The following RASGRF2 variants were observed in gnomAD, a reference collection of about 807,000 sequenced individuals.
RASGRF2 encodes the protein Ras protein specific guanine nucleotide releasing factor 2.
Under a neutral mutation model 151.0 loss-of-function variants are expected in RASGRF2, and 76 were observed. The ratio of observed to expected loss-of-function variants is 0.50; its 90% confidence interval spans 0.42 to 0.61. The LOEUF (loss-of-function observed/expected upper bound fraction) is 0.61, where lower values mean the gene tolerates loss of function less well. Ranked by LOEUF, RASGRF2 falls within the 20% of genes least tolerant of loss-of-function variation. The pLI, the probability that RASGRF2 is intolerant of heterozygous loss-of-function variation, is 0.00. For synonymous variants in RASGRF2, 504 were observed against 566.5 expected (o/e 0.89, Z 1.57); for missense variants, 1,148 against 1,564.6 (o/e 0.73, Z 4.49).
intron 15 of RASGRF2, among the ~76,000 whole-genome samples, chr5:81,120,450 G>T (rs1753275275): frequency 1.3e-5 from 2 of 152,128 alleles, no homozygotes; most frequent in African/African-American, 4.8e-5. Flanking sequence ...AGATGTGGCT[G>T]TGTGCACCTG....
At chr5:81,019,922 T>A in intron 1 of RASGRF2, among the ~76,000 whole-genome samples, 1 of 152,224 alleles carries the variant, frequency 6.6e-6, no homozygotes, top group Non-Finnish European at 1.5e-5. Flanking sequence ...CTCTGGAAAT[T>A]GCCACTGTTA....
intron 2 of RASGRF2, among the ~76,000 whole-genome samples, chr5:81,055,746 A>C (rs1439485713): frequency 2.0e-5 from 3 of 152,142 alleles, no homozygotes; most frequent in Non-Finnish European, 4.4e-5. Flanking sequence ...TTCGGCTGTG[A>C]ATCTGTCTGG....
At chr5:81,108,834 C>CTG (rs10606038) in intron 12 of RASGRF2, among the ~76,000 whole-genome samples, 162 bp from the exon 13 acceptor site, 4,454 of 139,802 alleles carry the variant, frequency 0.032, 114 homozygotes, top group African/African-American at 0.071. Flanking sequence ...TTTACCTACT[C>CTG]TGTGTGTGTG....
At chr5:81,094,075 C>T (rs1429898144) in intron 10 of RASGRF2, among the ~76,000 whole-genome samples, 1 of 152,136 alleles carries the variant, frequency 6.6e-6, no homozygotes, top group Non-Finnish European at 1.5e-5. Flanking sequence ...TTATAAACAA[C>T]TGAGTGAGAG....
chr5:81,222,227 G>A (rs1026541477), intron 26 of RASGRF2, among the ~76,000 whole-genome samples: 2 of 152,092 alleles, frequency 1.3e-5, no homozygotes, highest in African/African-American at 2.4e-5. Flanking sequence ...GTAACCATCA[G>A]TATTTGTATT....
At chr5:81,125,481 A>G (rs1753427907) in intron 16 of RASGRF2, among the ~76,000 whole-genome samples, 1 of 152,176 alleles carries the variant, frequency 6.6e-6, no homozygotes, top group African/African-American at 2.4e-5. Context: ...GGCTTGTCAT[A>G]GTACTACTAT....
chr5:81,199,874 G>C (rs544347912), intron 18 of RASGRF2, among the ~76,000 whole-genome samples: 39 of 143,052 alleles, frequency 2.7e-4, no homozygotes, highest in Middle Eastern at 4.5e-3. Context: ...CTCCAGCCCG[G>C]GTGACAGAGT....
At chr5:81,116,427 A>C (rs1753159306) in intron 15 of RASGRF2, among the ~76,000 whole-genome samples, 1 of 152,134 alleles carries the variant, frequency 6.6e-6, no homozygotes. Flanking sequence ...ACTGCTTCTG[A>C]AAGGACAGGC....
chr5:81,102,313 C>A (rs900468506), intron 12 of RASGRF2, among the ~76,000 whole-genome samples: 2 of 152,072 alleles, frequency 1.3e-5, no homozygotes, highest in African/African-American at 4.8e-5. Context: ...GAAAAAAGAA[C>A]CTAAAAAACT....
rs776297247 is a variant in RASGRF2 at position 81,113,804 on chromosome 5, C to T, written c.2354C>T (p.Pro785Leu). 2.4e-5 allele frequency: 39 copies of T among 1,614,034 alleles called. No homozygotes were observed. The highest frequency in any genetic ancestry group is 2.3e-5 in the Non-Finnish European group (27 of 1,180,036). Residue 785 changes from proline (P) to leucine (L), a missense_variant, in exon 15 of 27, where the codon CCA becomes CTA. Physicochemically the swap from Pro to Leu is moderately conservative, Grantham distance 98. This residue lies in a region of RASGRF2 where 646 missense variants were observed against 807.4 expected (regional missense o/e 0.80). Coordinates refer to ENST00000265080, the MANE Select transcript of RASGRF2 (RefSeq NM_006909.3). ...CCACCACCACACACTGGTCAGATAC[C>T]ACTGGATCTCAGCAGAGGCCTCTCT... Reference protein sequence around the residue: ...ASPPPHTGQIPLDLSRGLSSP... With the variant: ...ASPPPHTGQILLDLSRGLSSP...
At chr5:81,012,254 T>C (rs1435029312) in intron 1 of RASGRF2, among the ~76,000 whole-genome samples, 1 of 152,206 alleles carries the variant, frequency 6.6e-6, no homozygotes, top group East Asian at 1.9e-4. Context: ...GGTATGATGC[T>C]ATCTGCCAGA....
intron 12 of RASGRF2, among the ~76,000 whole-genome samples, chr5:81,097,253 A>T (rs1752574845): frequency 6.6e-6 from 1 of 152,014 alleles, no homozygotes; most frequent in Non-Finnish European, 1.5e-5. Flanking sequence ...GAGCCACTGC[A>T]CTCGGCCAAG....
At chr5:81,036,789 C>A (rs182378759) in intron 1 of RASGRF2, among the ~76,000 whole-genome samples, 1 of 152,188 alleles carries the variant, frequency 6.6e-6, no homozygotes, top group African/African-American at 2.4e-5. Context: ...TGTTACATTC[C>A]TGTGTTGGAA....
intron 1 of RASGRF2, among the ~76,000 whole-genome samples, chr5:81,004,298 A>G (rs1485933611): frequency 6.6e-6 from 1 of 152,196 alleles, no homozygotes; most frequent in African/African-American, 2.4e-5. Flanking sequence ...ACTGTTTTTG[A>G]TGTATTTGGA....
chr5:81,095,035 A>C, intron 12 of RASGRF2, 43 bp downstream of exon 12: 1 of 1,334,866 alleles, frequency 7.5e-7, no homozygotes, highest in Non-Finnish European at 9.9e-7. Flanking sequence ...TTTAAATTTC[A>C]CAACTCAAAC....
chr5:81,043,339 G>C (rs914832249), intron 2 of RASGRF2, among the ~76,000 whole-genome samples: 1 of 152,216 alleles, frequency 6.6e-6, no homozygotes, highest in Non-Finnish European at 1.5e-5. Context: ...CCTGTCTGCA[G>C]ATAAGGAAAC....
intron 2 of RASGRF2, 119 bp from the exon 3 acceptor site, chr5:81,067,913 A>G: frequency 2.5e-6 from 2 of 804,738 alleles, no homozygotes; most frequent in East Asian, 6.0e-5. Flanking sequence ...TGTCAAGTAG[A>G]GATAGCTGAA....
intron 17 of RASGRF2, among the ~76,000 whole-genome samples, chr5:81,139,419 T>C (rs78124447): frequency 1.4e-4 from 20 of 138,574 alleles, no homozygotes; most frequent in Non-Finnish European, 3.2e-4. Context: ...TTTTTTTTTT[T>C]GAGACAGAGT....
At chr5:81,095,434 A>G (rs11750489) in intron 12 of RASGRF2, among the ~76,000 whole-genome samples, 11,628 of 152,274 alleles carry the variant, frequency 0.076, 610 homozygotes, top group Non-Finnish European at 0.11. Flanking sequence ...CGTCTCTAGT[A>G]TGAAACCTGA....
Sources: allele counts gnomAD v4.1 joint callset (sites outside exome capture counted in the v4.1 genomes callset), GRCh38; gene constraint gnomAD v4.1.1; regional missense constraint gnomAD v4.1.1; transcripts MANE v1.5; gene names NCBI Gene and HGNC (gene_info 2026-07-23, HGNC 2026-07-21).